The following CLMP variants were observed in gnomAD, a reference collection of about 807,000 sequenced individuals.
CLMP encodes CXADR-like membrane protein.
Under a neutral mutation model 45.2 loss-of-function variants are expected in CLMP, and 27 were observed. That is an observed-to-expected ratio of 0.60 (90% CI 0.44 to 0.82). The LOEUF is 0.82. Among genes scored for constraint, CLMP ranks in the 40% least tolerant of loss-of-function variants. CLMP has a pLI of 0.00. For synonymous variants in CLMP, 167 were observed against 171.4 expected (o/e 0.97, Z 0.20); for missense variants, 403 against 448.4 (o/e 0.90, Z 0.91).
chr11:123,187,016 A>G (rs1311047896), intron 1 of CLMP, among the ~76,000 whole-genome samples: 1 of 152,198 alleles, frequency 6.6e-6, no homozygotes, highest in Non-Finnish European at 1.5e-5. Context: ...ACTCATGATA[A>G]TAACAACAGA....
intron 2 of CLMP, 131 bp downstream of exon 2, chr11:123,097,664 C>G: frequency 1.5e-6 from 1 of 685,436 alleles, no homozygotes; most frequent in Non-Finnish European, 2.4e-6. Flanking sequence ...TATCTAAAGT[C>G]TTTCAAGTAG....
intron 1 of CLMP, among the ~76,000 whole-genome samples, chr11:123,187,179 A>G (rs926332869): frequency 1.8e-4 from 27 of 152,138 alleles, no homozygotes; most frequent in African/African-American, 6.3e-4. Flanking sequence ...AACTTGCCCA[A>G]GGTCACACAA....
chr11:123,118,571 G>A (rs1350674521), intron 1 of CLMP, among the ~76,000 whole-genome samples: 1 of 152,160 alleles, frequency 6.6e-6, no homozygotes, highest in East Asian at 1.9e-4. Flanking sequence ...TTAAAAACCT[G>A]GACCTCGATC....
chr11:123,095,881 G>A (rs900217436), intron 2 of CLMP, among the ~76,000 whole-genome samples: 13 of 152,144 alleles, frequency 8.5e-5, no homozygotes, highest in Non-Finnish European at 1.8e-4. Context: ...AGGGCAGAGA[G>A]GGAAGTCCAA....
At chr11:123,075,307 T>C (rs1319376091) in intron 5 of CLMP, among the ~76,000 whole-genome samples, 1 of 151,880 alleles carries the variant, frequency 6.6e-6, no homozygotes, top group Non-Finnish European at 1.5e-5. Context: ...TCTCTTATTG[T>C]ATGACCAACC....
chr11:123,173,577 G>A (rs1861662875), intron 1 of CLMP, among the ~76,000 whole-genome samples: 1 of 152,144 alleles, frequency 6.6e-6, no homozygotes, highest in African/African-American at 2.4e-5. Context: ...AAGAGCACAG[G>A]CTTGGCAATA....
At chr11:123,154,118 G>A (rs992107105) in intron 1 of CLMP, among the ~76,000 whole-genome samples, 6 of 152,144 alleles carry the variant, frequency 3.9e-5, no homozygotes, top group African/African-American at 1.4e-4. Context: ...ACACCAGGAT[G>A]AGTATGGAGC....
rs188057241 is a variant in CLMP at position 123,110,625 on chromosome 11, A to G, written c.29-12673T>C. 1.1e-3 allele frequency among the ~76,000 whole-genome samples: 162 copies of G among 152,198 alleles called. 1 individual carries two copies. The highest frequency in any genetic ancestry group is 3.7e-3 in the African/African-American group (155 of 41,540). On this transcript the variant is annotated intron_variant, in intron 1 of 6. Coordinates refer to ENST00000448775, the MANE Select transcript of CLMP (RefSeq NM_024769.5). ...CAGACCGAAACTTCTCAAAGAAAAA[A>G]AAATGGTGTTGGTACAAAGACCAAG...
At position 123,081,883 on chromosome 11, in the gene CLMP, AAAAG is replaced by A. The variant is rs1281651896; in HGVS notation, c.679+1198_679+1201del. ...TCCAGAAAAAAAAAAAAAAAGGAAA[AAAAG>A]AAAAACTCTATGAGACAGTTAACTA... is the stretch of plus-strand genomic sequence containing the variant. On this transcript the variant is annotated intron_variant, in intron 5 of 6. Transcript: ENST00000448775. 6.0e-5 allele frequency among the ~76,000 whole-genome samples: 9 copies of A among 151,174 alleles called. No individual in the cohort carries two copies. In the East Asian group the frequency reaches 7.7e-4, roughly 13 times the overall value.
At chr11:123,121,066 G>A (rs1292371185) in intron 1 of CLMP, among the ~76,000 whole-genome samples, 1 of 147,722 alleles carries the variant, frequency 6.8e-6, no homozygotes, top group Non-Finnish European at 1.5e-5. Flanking sequence ...GGTGAAGCTT[G>A]CAGTGAGCCA....
Position 123,073,244 on chromosome 11 carries a change from TG to T in CLMP, c.*229del. ...TTTGGACTCCTGCTTTCCCTTACTC[TG>T]GTCTAAAGGCACAATAAGATGCCTT... On this transcript the variant is annotated 3_prime_UTR_variant, in exon 7 of 7. Coordinates refer to ENST00000448775, the MANE Select transcript of CLMP (RefSeq NM_024769.5). The T allele has an allele frequency of 2.2e-6, 1 of 460,870 alleles. No homozygotes were observed. The highest frequency in any genetic ancestry group is 3.8e-6 in the Non-Finnish European group (1 of 263,250). 28.5% of individuals were successfully genotyped at this position (460,870 alleles called of 1,614,324 possible).
At chr11:123,115,548 T>C (rs11607961) in intron 1 of CLMP, among the ~76,000 whole-genome samples, 31,090 of 151,884 alleles carry the variant, frequency 0.2, 3,292 homozygotes, top group Admixed American at 0.28. Context: ...GTACATTCTA[T>C]AGGATTCCAT....
At chr11:123,194,841 G>T in intron 1 of CLMP, 72 bp downstream of exon 1, 1 of 1,579,040 alleles carries the variant, frequency 6.3e-7, no homozygotes, top group South Asian at 1.1e-5. Context: ...GGTCAGAACC[G>T]GCGTCTTTCC....
chr11:123,106,914 G>T (rs998791004), intron 1 of CLMP, among the ~76,000 whole-genome samples: 12 of 151,892 alleles, frequency 7.9e-5, no homozygotes. Flanking sequence ...CAGCTACTCG[G>T]GAGGCTGAGG....
At chr11:123,148,125 G>C (rs1274886449) in intron 1 of CLMP, among the ~76,000 whole-genome samples, 1 of 152,226 alleles carries the variant, frequency 6.6e-6, no homozygotes, top group African/African-American at 2.4e-5. Flanking sequence ...AGTTAGTGGT[G>C]AGAATTAAGT....
intron 1 of CLMP, among the ~76,000 whole-genome samples, chr11:123,143,007 C>T (rs1293143116): frequency 6.6e-6 from 1 of 152,218 alleles, no homozygotes; most frequent in African/African-American, 2.4e-5. Context: ...TCTCATGTCT[C>T]ATCTCTGATG....
intron 1 of CLMP, among the ~76,000 whole-genome samples, chr11:123,144,787 A>G (rs753661803): frequency 2.0e-5 from 3 of 152,234 alleles, no homozygotes; most frequent in Non-Finnish European, 4.4e-5. Context: ...GATATCTTCT[A>G]TCTTGCAGAT....
chr11:123,106,420 TGTGTGCGCGCGC>T (rs1241457122), intron 1 of CLMP, among the ~76,000 whole-genome samples: 4 of 106,910 alleles, frequency 3.7e-5, no homozygotes, highest in Non-Finnish European at 7.7e-5. Flanking sequence ...TGTGTGTGTG[TGTGTGCGCGCGC>T]GCGCGCGCAC....
At chr11:123,178,697 G>A (rs1398928234) in intron 1 of CLMP, among the ~76,000 whole-genome samples, 1 of 152,182 alleles carries the variant, frequency 6.6e-6, no homozygotes, top group Non-Finnish European at 1.5e-5. Flanking sequence ...AGAGCAGGAT[G>A]GGAGATGCAA....
Sources: gnomAD v4.1 joint callset for allele counts (sites outside exome capture counted in the v4.1 genomes callset) on GRCh38, gnomAD v4.1.1 for gene constraint, MANE v1.5 for transcripts, NCBI Gene and HGNC (gene_info 2026-07-23, HGNC 2026-07-21) for gene names.